Variants in DPP8 observed in about 807,000 individuals in gnomAD.
DPP8 encodes dipeptidyl peptidase 8, also known as DPP VIII.
In DPP8, 31 loss-of-function variants were observed where a neutral mutation model predicts 107.5. That is an observed-to-expected ratio of 0.29 (90% CI 0.22 to 0.39). DPP8 has a LOEUF of 0.39. Ranked by LOEUF, DPP8 falls within the 10% of genes least tolerant of loss-of-function variation. The probability of loss-of-function intolerance (pLI) is 1.00; values close to 1 mark genes in which losing one functional copy is unlikely to be tolerated. For missense variants in DPP8, 842 were observed against 1,076.1 expected, an observed-to-expected ratio of 0.78 and a Z score of 3.04; for synonymous variants, 381 against 356.6, an observed-to-expected ratio of 1.07 and a Z score of -0.77.
rs114774931 is a variant in DPP8, at chr15:65,455,143, T to C, written c.2119-728A>G. Among the ~76,000 whole-genome samples, 388 of 152,300 alleles carry C rather than the reference T, an allele frequency of 2.5e-3. 1 individual carries two copies. The highest frequency in any genetic ancestry group is 9.0e-3 in the African/African-American group (374 of 41,552). ...TAATTTTACTTTTCCTTTTTATCTA[T>C]TTTTTTGGAGACATGGTCTCACTCT... is the stretch of plus-strand genomic sequence containing the variant. On this transcript the variant is annotated intron_variant, in intron 16 of 19. Transcript: ENST00000300141.
Position 65,447,057 on chromosome 15 carries a change from T to C in DPP8, c.2527-51A>G, listed in dbSNP as rs772586719. On this transcript the variant is annotated intron_variant, in intron 19 of 19. Coordinates refer to ENST00000300141, the MANE Select transcript of DPP8 (RefSeq NM_130434.5). ...ACAAAAAAAAAAAAGAATTTAGTAA[T>C]ACATCTTCTTCCAAAGCTTTCCAGA... 15 of 1,397,926 alleles carry C rather than the reference T, an allele frequency of 1.1e-5. No homozygotes were observed. In the East Asian group the frequency reaches 2.4e-4, roughly 22 times the overall value. 86.6% of individuals were successfully genotyped at this position (1,397,926 alleles called of 1,614,324 possible).
At chr15:65,506,631 T>C (rs1402234216) in intron 3 of DPP8, among the ~76,000 whole-genome samples, 1 of 19,856 alleles carries the variant, frequency 5.0e-5, no homozygotes, top group East Asian at 1.8e-3. Flanking sequence ...CATATAAACA[T>C]ATACATAACA....
chr15:65,493,331 C>T (rs1250839342), intron 5 of DPP8, among the ~76,000 whole-genome samples: 1 of 152,164 alleles, frequency 6.6e-6, no homozygotes, highest in Non-Finnish European at 1.5e-5. Context: ...ATCTGCCTGC[C>T]TCGGCCTCCC....
In DPP8 at chr15:65,481,568, T is replaced by A; in HGVS notation, c.1065A>T (p.Leu355=). 1.3e-6 allele frequency: 2 copies of A among 1,591,956 alleles called. No homozygotes were observed. Among genetic ancestry groups the A allele is most frequent in the Non-Finnish European group, 1.7e-6 (2 of 1,171,344 alleles). The change falls in exon 9 of 20, where the codon CTA becomes CTT. Residue 355 remains leucine, a synonymous_variant. Coordinates refer to ENST00000300141, the MANE Select transcript of DPP8 (RefSeq NM_130434.5). ...DKELIQPFEI[L]FEGVEYIARA... Reference sequence around the variant, plus strand: ...TGGCAATATATTCAACTCCTTCAAATAGAATCTCAAAAGGTTGAATTAGTT... The same window carrying A: ...TGGCAATATATTCAACTCCTTCAAAAAGAATCTCAAAAGGTTGAATTAGTT...
chr15:65,463,335 T>C (rs2065073102), intron 15 of DPP8, among the ~76,000 whole-genome samples: 1 of 152,170 alleles, frequency 6.6e-6, no homozygotes. Context: ...GGTCAGGAGT[T>C]GGAGACCAGC....
At chr15:65,462,742 G>C (rs1445722221) in intron 15 of DPP8, among the ~76,000 whole-genome samples, 2 of 152,056 alleles carry the variant, frequency 1.3e-5, no homozygotes, top group Non-Finnish European at 2.9e-5. Context: ...ACCACGCCCA[G>C]CTAATTTTTA....
chr15:65,498,838 G>A (rs903228537), intron 4 of DPP8, among the ~76,000 whole-genome samples: 1 of 152,032 alleles, frequency 6.6e-6, no homozygotes, highest in Admixed American at 6.6e-5. Flanking sequence ...AGGATCACTT[G>A]AGCCTAAAGT....
rs1157711355 is a variant in DPP8, at chr15:65,444,428, C to G, written c.*2456G>C. 1 of 152,170 alleles carries G rather than the reference C, an allele frequency of 6.6e-6. No homozygotes were observed. The highest frequency in any genetic ancestry group is 1.9e-4 in the East Asian group (1 of 5,204). 9.4% of individuals were successfully genotyped at this position (152,170 alleles called of 1,614,324 possible). A position where few individuals can be genotyped will look rare whatever the true frequency, so the allele number is the denominator to read the frequency against. ...CTTTTTGGCTCCCACTAAACTGTTG[C>G]TACTTTTATATATTCTTGCCGTTTA... On this transcript the variant is annotated 3_prime_UTR_variant, in exon 20 of 20. Transcript: ENST00000300141.
rs2065410546 is a variant in DPP8 at position 65,466,917 on chromosome 15, T to C, written c.1690-104A>G. On this transcript the variant is annotated intron_variant, in intron 13 of 19. Transcript: ENST00000300141. ...ATAGCAAGAGTATTATAAGAGACTA[T>C]TTATGTACATATACAATGTTGAAAT... 4 of 1,409,446 alleles carry C rather than the reference T, an allele frequency of 2.8e-6. No homozygotes were observed. The African/African-American group carries it at 4.3e-5, about 15-fold the overall frequency. The allele number at this position is 1,409,446 out of a possible 1,614,324, so 87.3% of individuals were successfully genotyped here.
At chr15:65,463,962 A>G (rs556197235) in intron 14 of DPP8, 56 bp from the exon 15 acceptor site, 3 of 1,327,700 alleles carry the variant, frequency 2.3e-6, no homozygotes, top group African/African-American at 1.5e-5. Flanking sequence ...GAGTGCTACA[A>G]TCTGGGAACA....
chr15:65,510,844 C>T (rs946376525), intron 2 of DPP8, among the ~76,000 whole-genome samples: 3 of 152,066 alleles, frequency 2.0e-5, no homozygotes, highest in East Asian at 1.9e-4. Flanking sequence ...CAGCCACAAA[C>T]GGCTTTTTAA....
At chr15:65,449,509 A>C (rs1252124166) in intron 19 of DPP8, among the ~76,000 whole-genome samples, 1 of 151,856 alleles carries the variant, frequency 6.6e-6, no homozygotes, top group Admixed American at 6.6e-5. Flanking sequence ...TCCCGGGTTC[A>C]AGCAATTCTC....
chr15:65,451,939 A>AG, intron 18 of DPP8, 21 bp downstream of exon 18: 1 of 1,565,580 alleles, frequency 6.4e-7, no homozygotes, highest in African/African-American at 1.4e-5. Context: ...TAAAAAAAAA[A>AG]AAAAAAAAGC....
chr15:65,496,237 C>T (rs916843950), intron 5 of DPP8, among the ~76,000 whole-genome samples: 1 of 151,986 alleles, frequency 6.6e-6, no homozygotes, highest in Admixed American at 6.6e-5. Flanking sequence ...CCCGCCTCGG[C>T]CTTCCAAAGT....
At chr15:65,475,638 GCA>G in intron 11 of DPP8, 1 of 813,518 alleles carries the variant, frequency 1.2e-6, no homozygotes, top group Admixed American at 2.1e-5. Context: ...TTCTAGAAAT[GCA>G]ACAAACTACT....
chr15:65,476,374 TACTA>T (rs1322761981), intron 11 of DPP8, among the ~76,000 whole-genome samples: 187 of 152,200 alleles, frequency 1.2e-3, no homozygotes, highest in African/African-American at 4.3e-3. Context: ...AGATAACAAA[TACTA>T]ACTGTTTTAC....
At chr15:65,456,705 A>G (rs974725826) in intron 15 of DPP8, among the ~76,000 whole-genome samples, 1 of 152,194 alleles carries the variant, frequency 6.6e-6, no homozygotes, top group African/African-American at 2.4e-5. Flanking sequence ...TGACAGTTAC[A>G]AGGACAAATA....
intron 5 of DPP8, among the ~76,000 whole-genome samples, chr15:65,497,139 C>T (rs964520959): frequency 1.5e-4 from 23 of 152,230 alleles, no homozygotes; most frequent in African/African-American, 4.6e-4. Flanking sequence ...ATCCACCTGC[C>T]TTGGCCTCCC....
At position 65,515,195 on chromosome 15, in the gene DPP8, C is replaced by T. The variant is rs574330791; in HGVS notation, c.-12+2291G>A. 7.2e-5 allele frequency among the ~76,000 whole-genome samples: 11 copies of T among 152,244 alleles called. No individual in the cohort carries two copies. In the South Asian group the frequency reaches 2.3e-3, roughly 32 times the overall value. On this transcript the variant is annotated intron_variant, in intron 1 of 19. Coordinates refer to ENST00000300141, the MANE Select transcript of DPP8 (RefSeq NM_130434.5). ...TGGGGGTCTCACTATGTTGTACAGGCTGGGATTATAGGTGTGAGTCACCGC... is the reference window on the plus strand; with the variant it reads ...TGGGGGTCTCACTATGTTGTACAGGTTGGGATTATAGGTGTGAGTCACCGC...
Sources: allele counts gnomAD v4.1 joint callset (sites outside exome capture counted in the v4.1 genomes callset), GRCh38; gene constraint gnomAD v4.1.1; transcripts MANE v1.5; gene names NCBI Gene and HGNC (gene_info 2026-07-23, HGNC 2026-07-21).